The following WDR70 variants were observed in gnomAD, a reference collection of about 807,000 sequenced individuals.
WDR70 encodes the protein WD repeat domain 70.
In WDR70, 53 loss-of-function variants were observed where a neutral mutation model predicts 88.6. The ratio of observed to expected loss-of-function variants is 0.60; its 90% CI spans 0.48 to 0.75. The LOEUF is 0.75. WDR70 is among the 30% of genes least tolerant of loss of function. WDR70 has a pLI of 0.00. For synonymous variants in WDR70, 280 were observed against 270.0 expected (o/e 1.04, Z -0.36); for missense variants, 610 against 823.2 (o/e 0.74, Z 3.17).
chr5:37,440,587 C>T (rs762443120), intron 6 of WDR70, among the ~76,000 whole-genome samples: 1 of 152,194 alleles, frequency 6.6e-6, no homozygotes, highest in African/African-American at 2.4e-5. Context: ...TCAGGTGATC[C>T]GCCTACCTCG....
chr5:37,563,984 C>G (rs1324544926), intron 9 of WDR70, among the ~76,000 whole-genome samples: 4 of 147,254 alleles, frequency 2.7e-5, no homozygotes, highest in Non-Finnish European at 6.1e-5. Flanking sequence ...CTGGCAGAGA[C>G]GCTCCTCACT....
At chr5:37,728,042 A>G (rs1748031304) in intron 17 of WDR70, among the ~76,000 whole-genome samples, 1 of 152,146 alleles carries the variant, frequency 6.6e-6, no homozygotes, top group African/African-American at 2.4e-5. Flanking sequence ...TATAAAACTA[A>G]CATTAGTATA....
intron 7 of WDR70, among the ~76,000 whole-genome samples, chr5:37,473,216 G>C (rs1739380067): frequency 1.6e-5 from 2 of 126,910 alleles, no homozygotes; most frequent in African/African-American, 5.4e-5. Flanking sequence ...CTTTTAGTGG[G>C]TTGTTGGTCT....
intron 3 of WDR70, among the ~76,000 whole-genome samples, chr5:37,384,227 A>G (rs1209307071): frequency 2.8e-5 from 4 of 143,376 alleles, no homozygotes; most frequent in African/African-American, 8.0e-5. Context: ...TGTTGCTTAG[A>G]CAGGTGTGCA....
intron 5 of WDR70, among the ~76,000 whole-genome samples, chr5:37,418,741 TA>T (rs1749841050): frequency 6.6e-6 from 1 of 152,166 alleles, no homozygotes; most frequent in East Asian, 1.9e-4. Flanking sequence ...GGATATTTAC[TA>T]TCATCAGTAA....
chr5:37,682,521 G>T (rs1012542150), intron 10 of WDR70, among the ~76,000 whole-genome samples: 1 of 67,218 alleles, frequency 1.5e-5, no homozygotes, highest in Non-Finnish European at 4.5e-5. Context: ...ATGTTAGGTT[G>T]TTAAGTTGAG....
At chr5:37,484,946 C>G (rs983854367) in intron 8 of WDR70, among the ~76,000 whole-genome samples, 1 of 152,162 alleles carries the variant, frequency 6.6e-6, no homozygotes, top group Non-Finnish European at 1.5e-5. Flanking sequence ...AAAGCACATA[C>G]CTTGTCCATG....
intron 7 of WDR70, among the ~76,000 whole-genome samples, chr5:37,479,277 G>A (rs1739580332): frequency 6.6e-6 from 1 of 151,822 alleles, no homozygotes; most frequent in Admixed American, 6.6e-5. Flanking sequence ...GAGATATAAG[G>A]TAATTAGAGA....
At chr5:37,423,518 C>G (rs1241368926) in intron 5 of WDR70, among the ~76,000 whole-genome samples, 3 of 149,032 alleles carry the variant, frequency 2.0e-5, no homozygotes, top group Non-Finnish European at 4.4e-5. Context: ...AATTGAAACA[C>G]TGATTTGCTG....
intron 17 of WDR70, among the ~76,000 whole-genome samples, chr5:37,736,403 T>C (rs146490675): frequency 6.6e-6 from 1 of 152,298 alleles, no homozygotes; most frequent in East Asian, 1.9e-4. Context: ...TGTTGAGTTG[T>C]AGGCAATATT....
intron 9 of WDR70, among the ~76,000 whole-genome samples, chr5:37,557,957 A>ACTCTTTTGAAAACTCT: frequency 1.4e-5 from 2 of 139,336 alleles, no homozygotes; most frequent in African/African-American, 2.6e-5. Flanking sequence ...TCAAAAGAGT[A>ACTCTTTTGAAAACTCT]TTATGTATAT....
At chr5:37,621,881 A>C (rs1398474029) in intron 10 of WDR70, among the ~76,000 whole-genome samples, 1 of 152,106 alleles carries the variant, frequency 6.6e-6, no homozygotes, top group Non-Finnish European at 1.5e-5. Context: ...TTAAGTCTTT[A>C]ATCTATCTTG....
intron 5 of WDR70, among the ~76,000 whole-genome samples, chr5:37,436,848 T>C (rs958546268): frequency 2.6e-5 from 4 of 152,080 alleles, no homozygotes; most frequent in African/African-American, 7.2e-5. Flanking sequence ...AGGGGAAAGA[T>C]TGAAGATAGA....
At chr5:37,665,622 A>G (rs1233943241) in intron 10 of WDR70, among the ~76,000 whole-genome samples, 3 of 152,214 alleles carry the variant, frequency 2.0e-5, no homozygotes, top group Non-Finnish European at 2.9e-5. Context: ...AAATTTGTAC[A>G]TTTTGATGCT....
intron 10 of WDR70, among the ~76,000 whole-genome samples, chr5:37,668,089 CA>C (rs1182492033): frequency 6.6e-6 from 1 of 151,946 alleles, no homozygotes; most frequent in Non-Finnish European, 1.5e-5. Flanking sequence ...CAAAACAAAA[CA>C]AAAAACAATT....
chr5:37,737,829 C>T (rs1181195093), intron 17 of WDR70, among the ~76,000 whole-genome samples: 1 of 151,906 alleles, frequency 6.6e-6, no homozygotes, highest in Non-Finnish European at 1.5e-5. Flanking sequence ...TTCCTATTTT[C>T]ACAGTTTCCG....
At chr5:37,641,304 C>A (rs1745096373) in intron 10 of WDR70, among the ~76,000 whole-genome samples, 1 of 151,904 alleles carries the variant, frequency 6.6e-6, no homozygotes, top group Non-Finnish European at 1.5e-5. Flanking sequence ...CAGGGTTCTG[C>A]CATGTTGGCG....
intron 17 of WDR70, among the ~76,000 whole-genome samples, chr5:37,740,632 C>A (rs557332366): frequency 6.6e-6 from 1 of 152,284 alleles, no homozygotes; most frequent in East Asian, 1.9e-4. Flanking sequence ...CTTCCCCATG[C>A]CTAACTCCCC....
chr5:37,688,901 G>A lies in WDR70; in HGVS notation c.1093-8754G>A, dbSNP rs369909224. Among the ~76,000 whole-genome samples, 26 of 152,234 alleles carry A rather than the reference G, an allele frequency of 1.7e-4. 1 individual carries two copies. Among genetic ancestry groups the A allele is most frequent in the Admixed American group, 8.5e-4 (13 of 15,298 alleles). On this transcript the variant is annotated intron_variant, in intron 10 of 17. Transcript: ENST00000265107. ...CGGGGCATCGCCTCACCTGGGAAGC[G>A]CAAGGGGTCGGGGGAATTCCCTTTC...
Sources: gnomAD v4.1 joint callset for allele counts (sites outside exome capture counted in the v4.1 genomes callset) on GRCh38, gnomAD v4.1.1 for gene constraint, MANE v1.5 for transcripts, NCBI Gene and HGNC (gene_info 2026-07-23, HGNC 2026-07-21) for gene names.